Variants in GABRB1 observed in about 807,000 individuals in gnomAD.
The protein encoded by GABRB1 is gamma-aminobutyric acid type A receptor subunit beta1.
GABRB1 carries 17 observed loss-of-function variants against 51.6 expected under a neutral mutation model. The ratio of observed to expected loss-of-function variants is 0.33; its 90% CI spans 0.23 to 0.49. The LOEUF (loss-of-function observed/expected upper bound fraction) is 0.49, where lower values mean the gene tolerates loss of function less well. Among genes scored for constraint, GABRB1 ranks in the 20% least tolerant of loss-of-function variants. The pLI, the probability that GABRB1 is intolerant of heterozygous loss-of-function variation, is 0.99. For synonymous variants in GABRB1, 247 were observed against 218.9 expected, an observed-to-expected ratio of 1.13 and a Z score of -1.14; for missense variants, 410 against 600.6, an observed-to-expected ratio of 0.68 and a Z score of 3.32.
chr4:47,111,017 T>G (rs1300768385), intron 3 of GABRB1, among the ~76,000 whole-genome samples: 2 of 152,208 alleles, frequency 1.3e-5, no homozygotes, highest in Non-Finnish European at 2.9e-5. Context: ...GGATTTTATA[T>G]GCCCATAATA....
intron 4 of GABRB1, among the ~76,000 whole-genome samples, chr4:47,252,652 C>T (rs148709616): frequency 6.6e-6 from 1 of 151,636 alleles, no homozygotes; most frequent in Non-Finnish European, 1.5e-5. Context: ...GGGTTACAGG[C>T]ACCCACCACC....
At chr4:47,264,334 A>C (rs183389213) in intron 4 of GABRB1, among the ~76,000 whole-genome samples, 1 of 152,328 alleles carries the variant, frequency 6.6e-6, no homozygotes, top group Admixed American at 6.5e-5. Context: ...TGCTGAAAAA[A>C]TAAACCAGAG....
chr4:47,105,216 G>A (rs1210707952), intron 3 of GABRB1, among the ~76,000 whole-genome samples: 1 of 152,086 alleles, frequency 6.6e-6, no homozygotes. Context: ...CTGGGTGCCA[G>A]TTTACCAGAG....
chr4:47,309,262 G>GC (rs562539010), intron 4 of GABRB1, among the ~76,000 whole-genome samples: 2,260 of 151,126 alleles, frequency 0.015, 25 homozygotes, highest in Non-Finnish European at 0.024. Context: ...ATCCTTTAAA[G>GC]TTTTTTTTTG....
At chr4:47,089,250 A>T (rs773457458) in intron 3 of GABRB1, among the ~76,000 whole-genome samples, 1 of 152,120 alleles carries the variant, frequency 6.6e-6, no homozygotes, top group Admixed American at 6.6e-5. Flanking sequence ...CTTAGATTTT[A>T]CTACCGAGGG....
At chr4:47,113,652 T>TC (rs1715336255) in intron 3 of GABRB1, among the ~76,000 whole-genome samples, 1 of 152,150 alleles carries the variant, frequency 6.6e-6, no homozygotes, top group African/African-American at 2.4e-5. Context: ...ACATTTTTTT[T>TC]CTCCCAGCTC....
In GABRB1 at chr4:47,248,448, T is replaced by G. The variant is rs1375380460; in HGVS notation, c.462-71679T>G. On this transcript the variant is annotated intron_variant, in intron 4 of 8. Coordinates refer to ENST00000295454, the MANE Select transcript of GABRB1 (RefSeq NM_000812.4). ...GTATTTTGTTAAGGATTTTAGCATC[T>G]ATGTTCATCAAGGATATTATTTTTG... is the stretch of plus-strand genomic sequence containing the variant. Among the ~76,000 whole-genome samples, 3 of 152,008 alleles carry G rather than the reference T, an allele frequency of 2.0e-5. No individual in the cohort carries two copies. In the East Asian group the frequency reaches 5.8e-4, roughly 29 times the overall value.
At chr4:47,006,810 A>G (rs1260109102) in intron 1 of GABRB1, among the ~76,000 whole-genome samples, 5 of 152,232 alleles carry the variant, frequency 3.3e-5, no homozygotes, top group African/African-American at 9.6e-5. Flanking sequence ...GCAATTAAAG[A>G]TAAAGATTGC....
intron 1 of GABRB1, among the ~76,000 whole-genome samples, chr4:47,010,884 G>A (rs985899464): frequency 6.6e-6 from 1 of 152,038 alleles, no homozygotes; most frequent in Non-Finnish European, 1.5e-5. Flanking sequence ...AAGAGCTCCT[G>A]GAACATAGTT....
At chr4:47,327,156 T>C (rs1725290477) in intron 5 of GABRB1, among the ~76,000 whole-genome samples, 2 of 152,208 alleles carry the variant, frequency 1.3e-5, no homozygotes, top group South Asian at 4.1e-4. Flanking sequence ...ATTTATATAC[T>C]TTATACAGTC....
chr4:47,388,869 A>C (rs1727888410), intron 5 of GABRB1, among the ~76,000 whole-genome samples: 1 of 152,208 alleles, frequency 6.6e-6, no homozygotes, highest in Non-Finnish European at 1.5e-5. Flanking sequence ...ATTATGTTAA[A>C]AAAAGAAAAA....
chr4:47,345,452 A>T (rs1726054893), intron 5 of GABRB1, among the ~76,000 whole-genome samples: 1 of 152,206 alleles, frequency 6.6e-6, no homozygotes, highest in African/African-American at 2.4e-5. Flanking sequence ...TTGCTTAGAA[A>T]TCTAAAGGAT....
chr4:47,093,813 G>A, intron 3 of GABRB1, among the ~76,000 whole-genome samples: 1 of 152,164 alleles, frequency 6.6e-6, no homozygotes, highest in South Asian at 2.1e-4. Flanking sequence ...TAAGATACAA[G>A]TTGAGTAACA....
At chr4:47,398,083 G>A (rs1217138719) in intron 5 of GABRB1, among the ~76,000 whole-genome samples, 1 of 151,950 alleles carries the variant, frequency 6.6e-6, no homozygotes, top group African/African-American at 2.4e-5. Flanking sequence ...TATTTTAAAT[G>A]TTGCTTCATA....
At chr4:47,308,728 G>T (rs968862554) in intron 4 of GABRB1, among the ~76,000 whole-genome samples, 3 of 152,046 alleles carry the variant, frequency 2.0e-5, no homozygotes, top group Admixed American at 2.0e-4. Flanking sequence ...TCTTCCTTCT[G>T]TCTGAGTCTT....
At chr4:47,029,465 C>A (rs184584575), upstream of GABRB1, among the ~76,000 whole-genome samples, 14 of 148,818 alleles carry the variant, frequency 9.4e-5, no homozygotes, top group Admixed American at 8.1e-4. Flanking sequence ...TTTATACAAA[C>A]CTTCTGATGG....
chr4:47,283,042 A>G (rs1723350307), intron 4 of GABRB1, among the ~76,000 whole-genome samples: 1 of 152,172 alleles, frequency 6.6e-6, no homozygotes, highest in South Asian at 2.1e-4. Context: ...TGGTTAAGGA[A>G]AGAGTTTTGT....
intron 3 of GABRB1, among the ~76,000 whole-genome samples, chr4:47,063,406 G>A (rs761021543): frequency 2.6e-5 from 4 of 152,140 alleles, no homozygotes; most frequent in Non-Finnish European, 5.9e-5. Flanking sequence ...TTAAATAACT[G>A]TCTGCTACAT....
chr4:47,292,458 G>T (rs927954186), intron 4 of GABRB1, among the ~76,000 whole-genome samples: 1 of 152,148 alleles, frequency 6.6e-6, no homozygotes, highest in Non-Finnish European at 1.5e-5. Flanking sequence ...ATACTTTACT[G>T]TTGTTACTTA....
Sources: allele counts gnomAD v4.1 joint callset (sites outside exome capture counted in the v4.1 genomes callset), GRCh38; gene constraint gnomAD v4.1.1; transcripts MANE v1.5; gene names NCBI Gene and HGNC (gene_info 2026-07-23, HGNC 2026-07-21).